GRAMD2B: variants seen among roughly 807,000 people sequenced by gnomAD.
GRAMD2B encodes the protein GRAM domain-containing protein 2B.
GRAMD2B carries 41 observed loss-of-function variants against 59.2 expected under a neutral mutation model. The observed-to-expected ratio is 0.69, with a 90% confidence interval of 0.54 to 0.90. The LOEUF (loss-of-function observed/expected upper bound fraction) is 0.90. Among genes scored for constraint, GRAMD2B ranks in the 40% least tolerant of loss-of-function variants. The pLI is 0.00. For missense variants in GRAMD2B, 424 were observed against 500.5 expected, an observed-to-expected ratio of 0.85 and a Z score of 1.46; for synonymous variants, 161 against 182.7, an observed-to-expected ratio of 0.88 and a Z score of 0.96.
At chr5:126,366,599 C>A (rs1754447085), upstream of GRAMD2B, among the ~76,000 whole-genome samples, 1 of 152,110 alleles carries the variant, frequency 6.6e-6, no homozygotes, top group African/African-American at 2.4e-5. Context: ...TTGTTATTCC[C>A]ATTTTTACAA....
At chr5:126,371,741 G>C (rs1754774165) in intron 1 of GRAMD2B, among the ~76,000 whole-genome samples, 1 of 152,178 alleles carries the variant, frequency 6.6e-6, no homozygotes, top group African/African-American at 2.4e-5. Flanking sequence ...TATGTAATAA[G>C]GGATGGGCTC....
intron 1 of GRAMD2B, among the ~76,000 whole-genome samples, chr5:126,404,258 GC>G (rs1208390527): frequency 6.6e-6 from 1 of 151,746 alleles, no homozygotes; most frequent in Non-Finnish European, 1.5e-5. Context: ...GTCAAGGAAA[GC>G]AAAAAAAGTT....
At chr5:126,492,876 T>C (rs1774194409) in intron 13 of GRAMD2B, 39 bp from the exon 14 acceptor site, 1 of 1,322,992 alleles carries the variant, frequency 7.6e-7, no homozygotes, top group African/African-American at 1.5e-5. Context: ...TATACTCCAT[T>C]CTATTTAATA....
exon 1 of GRAMD2B, chr5:126,360,206 T>A: frequency 9.0e-7 from 1 of 1,111,398 alleles, no homozygotes; most frequent in Non-Finnish European, 1.3e-6. Flanking sequence ...ACTTCTGAGA[T>A]AGCACTTGTG....
upstream of GRAMD2B, among the ~76,000 whole-genome samples, chr5:126,367,921 G>GTATT: frequency 6.7e-6 from 1 of 148,500 alleles, no homozygotes; most frequent in South Asian, 2.1e-4. Context: ...CCGGCTAATT[G>GTATT]TTTGTATTTT....
chr5:126,397,473 C>T (rs1385258783), intron 1 of GRAMD2B, among the ~76,000 whole-genome samples: 1 of 152,168 alleles, frequency 6.6e-6, no homozygotes, highest in Admixed American at 6.5e-5. Flanking sequence ...ATCCACTCAA[C>T]TCAGCCTCCC....
At chr5:126,438,711 C>A (rs1762801510) in intron 1 of GRAMD2B, among the ~76,000 whole-genome samples, 1 of 152,042 alleles carries the variant, frequency 6.6e-6, no homozygotes, top group African/African-American at 2.4e-5. Context: ...TGGTCAGAAT[C>A]TTGGTATTAG....
upstream of GRAMD2B, among the ~76,000 whole-genome samples, chr5:126,420,897 C>T (rs758859756): frequency 1.3e-5 from 2 of 151,850 alleles, no homozygotes; most frequent in Admixed American, 6.6e-5. Flanking sequence ...GGAATATCAT[C>T]CAGCCAAAAA....
At chr5:126,382,830 G>A (rs1422410112) in intron 1 of GRAMD2B, among the ~76,000 whole-genome samples, 1 of 152,156 alleles carries the variant, frequency 6.6e-6, no homozygotes, top group Non-Finnish European at 1.5e-5. Flanking sequence ...CAATGTCAGA[G>A]GGAAGATCTG....
intron 3 of GRAMD2B, 86 bp from the exon 4 acceptor site, chr5:126,472,152 G>C (rs1769711005): frequency 1.0e-6 from 1 of 993,116 alleles, no homozygotes; most frequent in Admixed American, 1.7e-5. Flanking sequence ...ACTATTAAGG[G>C]AGGGAAAATT....
At chr5:126,401,035 T>C (rs1757790539) in intron 1 of GRAMD2B, among the ~76,000 whole-genome samples, 1 of 152,134 alleles carries the variant, frequency 6.6e-6, no homozygotes, top group Non-Finnish European at 1.5e-5. Context: ...TTCTTCCCAT[T>C]TCTCTTTTCT....
intron 2 of GRAMD2B, among the ~76,000 whole-genome samples, chr5:126,468,655 T>A (rs1768928703): frequency 6.6e-6 from 1 of 151,988 alleles, no homozygotes; most frequent in Non-Finnish European, 1.5e-5. Flanking sequence ...GCCCAGCTAA[T>A]TTTTGTATTT....
Position 126,465,209 on chromosome 5 carries a change from C to T in GRAMD2B, c.84-217C>T, listed in dbSNP as rs546625091. The T allele has an allele frequency of 9.3e-6, 13 of 1,402,162 alleles. No individual in the cohort carries two copies. The East Asian group carries it at 3.0e-4, about 32-fold the overall frequency. The allele number at this position is 1,402,162 out of a possible 1,614,324, so 86.9% of individuals were successfully genotyped here. On this transcript the variant is annotated intron_variant, in intron 1 of 13. Transcript: ENST00000285689. ...GCAAGTCCACACAGTCTGGCATTTA[C>T]AAGTGAAACAGGTGCGACCTGCAGC... is the stretch of plus-strand genomic sequence containing the variant.
At chr5:126,463,731 C>T (rs1002238353) in intron 1 of GRAMD2B, among the ~76,000 whole-genome samples, 1 of 152,158 alleles carries the variant, frequency 6.6e-6, no homozygotes, top group African/African-American at 2.4e-5. Flanking sequence ...AGAGCGTCAA[C>T]CATTTGGCCG....
At chr5:126,392,666 A>T (rs1756934061) in intron 1 of GRAMD2B, among the ~76,000 whole-genome samples, 1 of 152,136 alleles carries the variant, frequency 6.6e-6, no homozygotes, top group South Asian at 2.1e-4. Flanking sequence ...TCCATGAAAG[A>T]AAAATTCTTT....
intron 9 of GRAMD2B, 29 bp from the exon 10 acceptor site, chr5:126,484,373 A>G: frequency 1.2e-6 from 2 of 1,607,990 alleles, no homozygotes; most frequent in South Asian, 1.1e-5. Flanking sequence ...TGGAGAGAAC[A>G]CTTACCCAGC....
intron 5 of GRAMD2B, 86 bp from the exon 6 acceptor site, chr5:126,477,606 T>C: frequency 1.2e-6 from 1 of 832,124 alleles, no homozygotes; most frequent in Non-Finnish European, 2.1e-6. Context: ...CTGTTTACCT[T>C]TTTTTTCTTT....
intron 1 of GRAMD2B, among the ~76,000 whole-genome samples, chr5:126,383,590 T>A (rs539342833): frequency 5.9e-4 from 90 of 152,216 alleles, no homozygotes; most frequent in African/African-American, 2.1e-3. Flanking sequence ...ATTACTTAGA[T>A]GAAGTAAGCA....
rs776272144 is a variant in GRAMD2B at position 126,484,544 on chromosome 5, G to A, written c.970+20G>A. On this transcript the variant is annotated intron_variant, in intron 10 of 13. Coordinates refer to ENST00000285689, the MANE Select transcript of GRAMD2B (RefSeq NM_023927.4). Reference sequence around the variant, plus strand: ...TACAGGGTAAGGAATGGATGTCTCAGGGGGGTGGGTTTAGAAGGATTGGAG... The same window carrying A: ...TACAGGGTAAGGAATGGATGTCTCAAGGGGGTGGGTTTAGAAGGATTGGAG... 11 of 1,595,906 alleles carry A rather than the reference G, an allele frequency of 6.9e-6. No homozygotes were observed. Among genetic ancestry groups the A allele is most frequent in the Non-Finnish European group, 8.5e-7 (1 of 1,173,830 alleles).
Sources: gnomAD v4.1 joint callset for allele counts (sites outside exome capture counted in the v4.1 genomes callset) on GRCh38, gnomAD v4.1.1 for gene constraint, MANE v1.5 for transcripts, NCBI Gene and HGNC (gene_info 2026-07-23, HGNC 2026-07-21) for gene names.